The following RERE variants were observed in gnomAD, a reference collection of about 807,000 sequenced individuals.
RERE encodes arginine-glutamic acid dipeptide repeats, also known as arginine-glutamic acid dipeptide repeats protein.
Under a neutral mutation model 146.1 loss-of-function variants are expected in RERE, and 40 were observed. The observed-to-expected ratio is 0.27, with a 90% CI of 0.21 to 0.36. The LOEUF is 0.36. Among genes scored for constraint, RERE ranks in the 10% least tolerant of loss-of-function variants. The pLI is 1.00. For missense variants in RERE, 1,933 were observed against 2,138.7 expected, an observed-to-expected ratio of 0.90 and a Z score of 1.90; for synonymous variants, 1,003 against 866.0, an observed-to-expected ratio of 1.16 and a Z score of -2.78.
At chr1:8,655,132 A>G (rs2124330053) in intron 2 of RERE, among the ~76,000 whole-genome samples, 1 of 152,154 alleles carries the variant, frequency 6.6e-6, no homozygotes, top group South Asian at 2.1e-4. Flanking sequence ...TACTTCTATT[A>G]TTGTTGATTA....
chr1:8,623,828 T>G (rs1646943597), intron 3 of RERE, among the ~76,000 whole-genome samples: 1 of 152,194 alleles, frequency 6.6e-6, no homozygotes, highest in African/African-American at 2.4e-5. Flanking sequence ...CAAGCCAGAC[T>G]TCTTTCAACC....
At chr1:8,771,664 A>C (rs949770683) in intron 1 of RERE, among the ~76,000 whole-genome samples, 1 of 152,158 alleles carries the variant, frequency 6.6e-6, no homozygotes, top group Non-Finnish European at 1.5e-5. Flanking sequence ...TAATCCCAGC[A>C]CTGTGGGAGG....
At chr1:8,486,734 T>C (rs570287614) in intron 10 of RERE, among the ~76,000 whole-genome samples, 9 of 138,836 alleles carry the variant, frequency 6.5e-5, no homozygotes, top group Non-Finnish European at 1.2e-4. Flanking sequence ...ATTACCAGCC[T>C]TGGCAACGTG....
intron 12 of RERE, among the ~76,000 whole-genome samples, chr1:8,387,088 A>G (rs754896904): frequency 6.6e-6 from 1 of 152,248 alleles, no homozygotes; most frequent in Non-Finnish European, 1.5e-5. Context: ...TCAACTATCA[A>G]CAATTATCCT....
At position 8,810,069 on chromosome 1, in the gene RERE, G is replaced by A. The variant is rs551682305; in HGVS notation, c.-145+7091C>T. On this transcript the variant is annotated intron_variant, in intron 1 of 22. Transcript: ENST00000400908. ...CGCCCAGGCTGGAGTGCAGTGGAGC[G>A]ATCTCAGCTCACTGCAACCTCCGCC... is the stretch of plus-strand genomic sequence containing the variant. Among the ~76,000 whole-genome samples, 39 of 151,788 alleles carry A rather than the reference G, an allele frequency of 2.6e-4. 1 individual carries two copies. Among genetic ancestry groups the A allele is most frequent in the South Asian group, 1.7e-3 (8 of 4,812 alleles).
intron 8 of RERE, among the ~76,000 whole-genome samples, chr1:8,503,907 T>C (rs1394905493): frequency 2.0e-5 from 3 of 152,198 alleles, no homozygotes; most frequent in Non-Finnish European, 4.4e-5. Flanking sequence ...ATATGTGTAT[T>C]ATGGAATTGA....
At chr1:8,802,179 C>T (rs1186391342) in intron 1 of RERE, among the ~76,000 whole-genome samples, 1 of 152,106 alleles carries the variant, frequency 6.6e-6, no homozygotes, top group Non-Finnish European at 1.5e-5. Context: ...GCTATGATCC[C>T]AACCTATCTT....
chr1:8,578,140 TA>T (rs1253653239), intron 4 of RERE, among the ~76,000 whole-genome samples: 2 of 152,090 alleles, frequency 1.3e-5, no homozygotes, highest in African/African-American at 4.8e-5. Context: ...TAATAAGGTG[TA>T]ACTGAAACCT....
intron 2 of RERE, among the ~76,000 whole-genome samples, chr1:8,645,179 C>T (rs1279117061): frequency 6.6e-6 from 1 of 152,150 alleles, no homozygotes; most frequent in East Asian, 1.9e-4. Context: ...CTGGTTGTCA[C>T]CCATGTTGTA....
chr1:8,362,914 C>G (rs927510871), intron 15 of RERE, 70 bp from the exon 16 acceptor site: 4 of 1,540,050 alleles, frequency 2.6e-6, no homozygotes, highest in Non-Finnish European at 2.6e-6. Flanking sequence ...TGAGCCCAAC[C>G]CACAGGCAGA....
intron 7 of RERE, among the ~76,000 whole-genome samples, chr1:8,522,951 T>C (rs528736002): frequency 7.3e-5 from 11 of 151,458 alleles, no homozygotes; most frequent in African/African-American, 2.2e-4. Flanking sequence ...CAAGGCAGCA[T>C]GGATTGCTTG....
At chr1:8,601,210 G>C (rs555292341) in intron 4 of RERE, among the ~76,000 whole-genome samples, 1 of 151,644 alleles carries the variant, frequency 6.6e-6, no homozygotes, top group Non-Finnish European at 1.5e-5. Flanking sequence ...TAGAGATGGG[G>C]TTTCACCATG....
chr1:8,470,092 C>T (rs1644660166), intron 10 of RERE, among the ~76,000 whole-genome samples: 1 of 152,130 alleles, frequency 6.6e-6, no homozygotes, highest in Admixed American at 6.5e-5. Flanking sequence ...TTTTGTTTGA[C>T]CTGTTGTCTG....
intron 12 of RERE, among the ~76,000 whole-genome samples, chr1:8,403,723 C>A (rs1365919150): frequency 6.6e-6 from 1 of 151,546 alleles, no homozygotes; most frequent in Non-Finnish European, 1.5e-5. Flanking sequence ...CTCATTTTTT[C>A]CTCCCATTTC....
chr1:8,507,630 A>C (rs2124293921), intron 8 of RERE, among the ~76,000 whole-genome samples: 1 of 152,030 alleles, frequency 6.6e-6, no homozygotes, highest in East Asian at 1.9e-4. Flanking sequence ...GCTGGTCTCA[A>C]ACTCCCGATC....
rs147409913 is a variant in RERE, at chr1:8,437,961, T to C, written c.1204-15154A>G. Among the ~76,000 whole-genome samples the C allele has an allele frequency of 6.3e-4, 92 of 145,234 alleles. No individual in the cohort carries two copies. The East Asian group carries it at 0.017, about 28-fold the overall frequency. On this transcript the variant is annotated intron_variant, in intron 11 of 22. Transcript: ENST00000400908. Reference sequence around the variant, plus strand: ...GCTATGAAGGAGAAACCTCAACAAGTGCTGTTAGATTTCACTTTTATTATT... The same window carrying C: ...GCTATGAAGGAGAAACCTCAACAAGCGCTGTTAGATTTCACTTTTATTATT...
At chr1:8,556,697 T>C in intron 5 of RERE, 126 bp from the exon 6 acceptor site, 2 of 622,326 alleles carry the variant, frequency 3.2e-6, no homozygotes, top group Non-Finnish European at 5.7e-6. Flanking sequence ...CATCGTTAAG[T>C]ATGCAAAATA....
chr1:8,410,378 G>A (rs2124455283), intron 12 of RERE, among the ~76,000 whole-genome samples: 1 of 152,276 alleles, frequency 6.6e-6, no homozygotes, highest in Admixed American at 6.5e-5. Flanking sequence ...CCCAGGCAGG[G>A]GGTGTGCCAA....
intron 2 of RERE, among the ~76,000 whole-genome samples, chr1:8,650,418 T>G (rs1313258711): frequency 6.6e-6 from 1 of 152,190 alleles, no homozygotes; most frequent in Non-Finnish European, 1.5e-5. Context: ...GCAATAAATA[T>G]TTGAAAAATC....
Sources: gnomAD v4.1 joint callset for allele counts (sites outside exome capture counted in the v4.1 genomes callset) on GRCh38, gnomAD v4.1.1 for gene constraint, MANE v1.5 for transcripts, NCBI Gene and HGNC (gene_info 2026-07-23, HGNC 2026-07-21) for gene names.